RBFOX1: variants seen among roughly 807,000 people sequenced by gnomAD.
RBFOX1 encodes the protein RNA binding fox-1 homolog 1, also known as RNA binding protein fox-1 homolog 1.
RBFOX1 carries 8 observed loss-of-function variants against 57.7 expected under a neutral mutation model. The ratio of observed to expected loss-of-function variants is 0.14; its 90% CI spans 0.08 to 0.25. The LOEUF (loss-of-function observed/expected upper bound fraction) is 0.25. Among genes scored for constraint, RBFOX1 ranks in the 10% least tolerant of loss-of-function variants. The pLI, the probability that RBFOX1 is intolerant of heterozygous loss-of-function variation, is 1.00. For missense variants in RBFOX1, 611 were observed against 548.5 expected (o/e 1.11, Z -1.14); for synonymous variants, 326 against 222.4 (o/e 1.47, Z -4.15).
intron 1 of RBFOX1, among the ~76,000 whole-genome samples, chr16:6,247,880 T>G (rs1387385474): frequency 3.3e-5 from 5 of 152,210 alleles, no homozygotes; most frequent in Non-Finnish European, 5.9e-5. Context: ...GGCCACATTG[T>G]CATAAGCTCC....
intron 2 of RBFOX1, among the ~76,000 whole-genome samples, chr16:6,643,952 C>A (rs767363918): frequency 6.6e-6 from 1 of 152,034 alleles, no homozygotes; most frequent in Non-Finnish European, 1.5e-5. Flanking sequence ...ATGGGGAAAC[C>A]CCATCTGTAC....
intron 1 of RBFOX1, among the ~76,000 whole-genome samples, chr16:6,240,537 C>G (rs557098163): frequency 1.5e-4 from 23 of 152,120 alleles, no homozygotes; most frequent in African/African-American, 3.1e-4. Flanking sequence ...GCACAATTTT[C>G]AAACTCTTCA....
intron 4 of RBFOX1, among the ~76,000 whole-genome samples, chr16:7,427,681 G>T (rs1472550450): frequency 6.7e-6 from 1 of 148,376 alleles, no homozygotes; most frequent in Non-Finnish European, 1.5e-5. Context: ...GTCTCTCTCT[G>T]TTTCCCAGGC....
chr16:7,641,057 A>C (rs1212791844), intron 11 of RBFOX1, among the ~76,000 whole-genome samples: 1 of 152,156 alleles, frequency 6.6e-6, no homozygotes, highest in African/African-American at 2.4e-5. Flanking sequence ...CCAGCTTTAT[A>C]AGTTGAGTCA....
intron 3 of RBFOX1, among the ~76,000 whole-genome samples, chr16:5,706,931 C>G (rs1037527482): frequency 6.6e-6 from 1 of 152,080 alleles, no homozygotes; most frequent in Non-Finnish European, 1.5e-5. Flanking sequence ...TGGCCAGTAT[C>G]TTACCTTCAT....
intron 4 of RBFOX1, among the ~76,000 whole-genome samples, chr16:5,994,374 C>T (rs1305242042): frequency 2.6e-5 from 4 of 152,170 alleles, no homozygotes; most frequent in Non-Finnish European, 5.9e-5. Flanking sequence ...ATTGGCCAGG[C>T]TGGTCTCGAA....
chr16:7,590,783 C>CG (rs2094401849), intron 7 of RBFOX1, among the ~76,000 whole-genome samples: 1 of 148,976 alleles, frequency 6.7e-6, no homozygotes, highest in East Asian at 2.1e-4. Flanking sequence ...CACTTGAACC[C>CG]GGGGGGTGGA....
chr16:7,046,075 C>A (rs776565068), intron 3 of RBFOX1, among the ~76,000 whole-genome samples: 1 of 151,896 alleles, frequency 6.6e-6, no homozygotes, highest in Non-Finnish European at 1.5e-5. Flanking sequence ...TTATAAATGC[C>A]CTGTATGTCA....
At chr16:5,854,344 A>G (rs1207898830) in intron 3 of RBFOX1, among the ~76,000 whole-genome samples, 2 of 151,966 alleles carry the variant, frequency 1.3e-5, no homozygotes, top group East Asian at 1.9e-4. Flanking sequence ...ATTTCTTCTC[A>G]CCTCCGGTGC....
Position 5,946,431 on chromosome 16 carries a change from C to T in RBFOX1, c.351+79096C>T, listed in dbSNP as rs564831034. ...GTGCCGGATGCACTACTCTATCTTG[C>T]GACAGAGCCATGAACAGCTCAGCCA... is the stretch of plus-strand genomic sequence containing the variant. On this transcript the variant is annotated intron_variant, in intron 4 of 19. Transcript: ENST00000641259. This position sits in a 1 kb window ranked among gnomAD's most constrained non-coding sequence, Gnocchi z 4.6. 1.1e-4 allele frequency among the ~76,000 whole-genome samples: 17 copies of T among 152,274 alleles called. No homozygotes were observed. The highest frequency in any genetic ancestry group is 1.9e-4 in the East Asian group (1 of 5,186).
intron 3 of RBFOX1, among the ~76,000 whole-genome samples, chr16:7,002,135 G>C (rs563474210): frequency 2.0e-4 from 31 of 152,190 alleles, no homozygotes; most frequent in Admixed American, 1.3e-4. Context: ...ATCTTGTTAG[G>C]TGAGTCTAGG....
Position 5,244,463 on chromosome 16 carries a change from T to G in RBFOX1, c.219+4358T>G, listed in dbSNP as rs1473606447. 2.0e-5 allele frequency among the ~76,000 whole-genome samples: 3 copies of G among 152,322 alleles called. No homozygotes were observed. In the South Asian group the frequency reaches 6.2e-4, roughly 32 times the overall value. On this transcript the variant is annotated intron_variant, in intron 1 of 2. Coordinates refer to the RBFOX1 transcript ENST00000585867. ...AGGCAGGGTAGGTGGCCTACCCAGT[T>G]CACTCCCATACTGGGGACTTGCAGA...
At chr16:6,870,681 T>A (rs544393943) in intron 3 of RBFOX1, among the ~76,000 whole-genome samples, 20 of 152,190 alleles carry the variant, frequency 1.3e-4, no homozygotes, top group African/African-American at 3.9e-4. Flanking sequence ...AACCATAATT[T>A]TACAGCACAG....
At chr16:5,811,061 G>T (rs1057151459) in intron 3 of RBFOX1, among the ~76,000 whole-genome samples, 6 of 150,844 alleles carry the variant, frequency 4.0e-5, no homozygotes, top group African/African-American at 1.5e-4. Flanking sequence ...ATCCTCCTCA[G>T]ACAACCACTG....
At chr16:6,040,611 A>G (rs1440491438) in intron 1 of RBFOX1, among the ~76,000 whole-genome samples, 2 of 147,294 alleles carry the variant, frequency 1.4e-5, no homozygotes, top group East Asian at 4.0e-4. Flanking sequence ...TTATTTATTT[A>G]TTTTGAGACA....
At chr16:6,279,815 A>T (rs993093643) in intron 1 of RBFOX1, among the ~76,000 whole-genome samples, 4 of 152,174 alleles carry the variant, frequency 2.6e-5, no homozygotes, top group African/African-American at 9.6e-5. Context: ...AAAGATAATG[A>T]TAAATGGTAA....
chr16:5,822,726 C>T (rs2055900802), intron 3 of RBFOX1, among the ~76,000 whole-genome samples: 1 of 152,142 alleles, frequency 6.6e-6, no homozygotes, highest in South Asian at 2.1e-4. Flanking sequence ...GAGAGTCCAT[C>T]CTGGGCTCCT....
rs1407825727 is a variant in RBFOX1 at position 6,267,627 on chromosome 16, C to T, written c.-126-49368C>T. On this transcript the variant is annotated intron_variant, in intron 1 of 15. Transcript: ENST00000550418. The stretch of plus-strand genomic sequence containing the variant: ...AGGTATGGGTGGAAGACTGCAAAAC[C>T]CTGAACATCAACAAGCTTCAGTGTT... Among the ~76,000 whole-genome samples the T allele has an allele frequency of 3.9e-5, 6 of 152,090 alleles. No homozygotes were observed. In the East Asian group the frequency reaches 1.2e-3, roughly 29 times the overall value.
chr16:5,393,786 A>G (rs554858840), intron 1 of RBFOX1, among the ~76,000 whole-genome samples: 2 of 152,342 alleles, frequency 1.3e-5, no homozygotes, highest in Admixed American at 1.3e-4. Flanking sequence ...TGTTATTCAC[A>G]GTGCTGTCCA....
Sources: gnomAD v4.1 joint callset for allele counts (sites outside exome capture counted in the v4.1 genomes callset) on GRCh38, gnomAD v4.1.1 for gene constraint, Gnocchi (gnomAD v3.1) non-coding constraint, MANE v1.5 for transcripts, NCBI Gene and HGNC (gene_info 2026-07-23, HGNC 2026-07-21) for gene names.